Variants in LZTFL1 observed in about 807,000 individuals in gnomAD.
LZTFL1 encodes the protein leucine zipper transcription factor-like protein 1.
LZTFL1 carries 25 observed loss-of-function variants against 45.9 expected under a neutral mutation model. That is an observed-to-expected ratio of 0.54 (90% CI 0.40 to 0.76). The LOEUF is 0.76. Among genes scored for constraint, LZTFL1 ranks in the 30% least tolerant of loss-of-function variants. The pLI, the probability that LZTFL1 is intolerant of heterozygous loss-of-function variation, is 0.00. For synonymous variants in LZTFL1, 93 were observed against 117.4 expected, an observed-to-expected ratio of 0.79 and a Z score of 1.35; for missense variants, 277 against 331.1, an observed-to-expected ratio of 0.84 and a Z score of 1.27.
intron 2 of LZTFL1, among the ~76,000 whole-genome samples, chr3:45,904,049 C>T (rs2125766622): frequency 6.6e-6 from 1 of 152,290 alleles, no homozygotes; most frequent in Non-Finnish European, 1.5e-5. Flanking sequence ...TGCTGAGCCT[C>T]ACACAGGGCA....
At chr3:45,911,657 G>A (rs1702797047) in intron 2 of LZTFL1, among the ~76,000 whole-genome samples, 1 of 152,252 alleles carries the variant, frequency 6.6e-6, no homozygotes, top group South Asian at 2.1e-4. Flanking sequence ...CCCTAGCTGG[G>A]CCAGCCCCTA....
Position 45,901,672 on chromosome 3 carries a change from T to C in LZTFL1, c.-215+11448A>G. 1.2e-6 allele frequency: 2 copies of C among 1,613,998 alleles called. No homozygotes were observed. The highest frequency in any genetic ancestry group is 1.3e-5 in the African/African-American group (1 of 75,064). On this transcript the variant is annotated intron_variant, in intron 2 of 4. Coordinates refer to the LZTFL1 transcript ENST00000472635. This position sits in a 1 kb window ranked among gnomAD's most constrained non-coding sequence, Gnocchi z 4.3. Reference sequence around the variant, plus strand: ...TCCAACTGTGCCGTTTCCACCAACATTGACATCTGCTTCCAGGTCACCCAG... The same window carrying C: ...TCCAACTGTGCCGTTTCCACCAACACTGACATCTGCTTCCAGGTCACCCAG...
intron 2 of LZTFL1, chr3:45,902,329 T>C (rs2125764206): frequency 5.8e-6 from 1 of 173,726 alleles, no homozygotes; most frequent in African/African-American, 2.4e-5. Context: ...GAAAGTTTCG[T>C]GAAAATGTCC....
chr3:45,895,590 T>G (rs1702327941), intron 2 of LZTFL1, among the ~76,000 whole-genome samples: 1 of 152,096 alleles, frequency 6.6e-6, no homozygotes, highest in South Asian at 2.1e-4. Flanking sequence ...GGCATGCGCA[T>G]GTAATCCCAG....
At chr3:45,854,926 A>T (rs1379074882) in intron 4 of LZTFL1, 2 of 1,250,218 alleles carry the variant, frequency 1.6e-6, no homozygotes, top group African/African-American at 3.0e-5. Context: ...ACAATAAAAA[A>T]ACAGGAACAA....
rs557220619 is a variant in LZTFL1 at position 45,839,158 on chromosome 3, G to A, written c.4-1107C>T. Reference sequence around the variant, plus strand: ...GGCTGGAGTGCAGTGGCGCAATCTCGGCTCACTGCAAGTTCCGCCTCCTGG... The same window carrying A: ...GGCTGGAGTGCAGTGGCGCAATCTCAGCTCACTGCAAGTTCCGCCTCCTGG... On this transcript the variant is annotated intron_variant, in intron 1 of 9. Coordinates refer to ENST00000296135, the MANE Select transcript of LZTFL1 (RefSeq NM_020347.4). 1.6e-4 allele frequency among the ~76,000 whole-genome samples: 25 copies of A among 152,082 alleles called. No homozygotes were observed. In the East Asian group the frequency reaches 4.1e-3, roughly 25 times the overall value.
chr3:45,876,052 C>T (rs1355268422), intron 2 of LZTFL1, among the ~76,000 whole-genome samples: 2 of 152,222 alleles, frequency 1.3e-5, no homozygotes, highest in East Asian at 3.8e-4. Context: ...ACTCTCTTAT[C>T]AACTTATTAC....
chr3:45,876,018 C>CT (rs1397385927), intron 2 of LZTFL1, among the ~76,000 whole-genome samples: 2 of 152,232 alleles, frequency 1.3e-5, no homozygotes, highest in Admixed American at 1.3e-4. Flanking sequence ...AAAGACTCAA[C>CT]TTTCTTTTCT....
At chr3:45,870,050 T>C (rs568200716) in intron 2 of LZTFL1, among the ~76,000 whole-genome samples, 1 of 152,300 alleles carries the variant, frequency 6.6e-6, no homozygotes, top group South Asian at 2.1e-4. Context: ...AACTAGAAAG[T>C]TGTAATGAAG....
intron 2 of LZTFL1, 40 bp from the exon 3 acceptor site, chr3:45,835,824 C>A: frequency 6.9e-7 from 1 of 1,451,814 alleles, no homozygotes; most frequent in Non-Finnish European, 9.4e-7. Context: ...AGAAAAACAA[C>A]AAGAAAAATC....
chr3:45,839,236 C>T (rs1218457132), intron 1 of LZTFL1, among the ~76,000 whole-genome samples: 2 of 152,082 alleles, frequency 1.3e-5, no homozygotes. Context: ...CCACAGGCGC[C>T]CACCACCACG....
chr3:45,895,099 G>C, intron 2 of LZTFL1: 1 of 861,874 alleles, frequency 1.2e-6, no homozygotes, highest in African/African-American at 1.6e-5. Context: ...GCGCATTGCT[G>C]GGTAGGTTGT....
chr3:45,857,958 A>G (rs964016487), intron 3 of LZTFL1, among the ~76,000 whole-genome samples: 3 of 152,188 alleles, frequency 2.0e-5, no homozygotes, highest in Middle Eastern at 3.2e-3. Flanking sequence ...GGGTTTTGTG[A>G]TTTTTCAAAT....
intron 2 of LZTFL1, among the ~76,000 whole-genome samples, chr3:45,836,142 T>C (rs1281866151): frequency 6.6e-6 from 1 of 152,194 alleles, no homozygotes; most frequent in African/African-American, 2.4e-5. Flanking sequence ...CCGGAAGGCA[T>C]AGTCTCATTT....
chr3:45,908,381 T>C (rs1173596780), intron 2 of LZTFL1, among the ~76,000 whole-genome samples: 1 of 152,168 alleles, frequency 6.6e-6, no homozygotes, highest in East Asian at 1.9e-4. Context: ...TATTGAGCAT[T>C]TAGTACATGC....
At chr3:45,887,491 A>C (rs1702018427) in intron 2 of LZTFL1, among the ~76,000 whole-genome samples, 1 of 152,204 alleles carries the variant, frequency 6.6e-6, no homozygotes, top group African/African-American at 2.4e-5. Flanking sequence ...TTGCCTTTTC[A>C]AACACACCTA....
At chr3:45,880,528 A>G (rs1281563834) in intron 2 of LZTFL1, among the ~76,000 whole-genome samples, 2 of 152,100 alleles carry the variant, frequency 1.3e-5, no homozygotes, top group African/African-American at 2.4e-5. Flanking sequence ...GGATCGTGTT[A>G]TCACCTATAT....
chr3:45,849,957 G>C (rs1175066502), intron 4 of LZTFL1, among the ~76,000 whole-genome samples: 1 of 152,186 alleles, frequency 6.6e-6, no homozygotes, highest in Non-Finnish European at 1.5e-5. Flanking sequence ...TTTTGTGTAA[G>C]AGAAGCCGTG....
chr3:45,830,385 A>G (rs1203883977), intron 7 of LZTFL1, among the ~76,000 whole-genome samples: 6 of 152,214 alleles, frequency 3.9e-5, no homozygotes, highest in East Asian at 1.9e-4. Context: ...GAAGAACTAC[A>G]ACACTGGATT....
Sources: gnomAD v4.1 joint callset for allele counts (sites outside exome capture counted in the v4.1 genomes callset) on GRCh38, gnomAD v4.1.1 for gene constraint, Gnocchi (gnomAD v3.1) non-coding constraint, MANE v1.5 for transcripts, NCBI Gene and HGNC (gene_info 2026-07-23, HGNC 2026-07-21) for gene names.